Variants in PLCZ1 observed in about 807,000 individuals in gnomAD.
PLCZ1 encodes the protein 1-phosphatidylinositol 4,5-bisphosphate phosphodiesterase zeta-1.
Under a neutral mutation model 76.8 loss-of-function variants are expected in PLCZ1, and 64 were observed. That is an observed-to-expected ratio of 0.83 (90% CI 0.68 to 1.03). The LOEUF is 1.03. PLCZ1 is among the 50% of genes least tolerant of loss of function. The pLI is 0.00. For synonymous variants in PLCZ1, 248 were observed against 230.8 expected, an observed-to-expected ratio of 1.07 and a Z score of -0.68; for missense variants, 751 against 713.7, an observed-to-expected ratio of 1.05 and a Z score of -0.60.
At chr12:18,701,463 C>T (rs1955905030) in intron 9 of PLCZ1, 38 bp downstream of exon 9, 14 of 1,612,038 alleles carry the variant, frequency 8.7e-6, no homozygotes, top group Non-Finnish European at 1.0e-5. Context: ...AGAAAACTTT[C>T]CAATCACTTG....
downstream of PLCZ1, among the ~76,000 whole-genome samples, chr12:18,681,106 A>C (rs954376175): frequency 2.6e-5 from 4 of 152,090 alleles, no homozygotes; most frequent in Non-Finnish European, 5.9e-5. Flanking sequence ...GTCCGGGTTG[A>C]TGCTCTGTGA....
intron 11 of PLCZ1, among the ~76,000 whole-genome samples, chr12:18,695,851 G>A (rs1425774682): frequency 6.6e-6 from 1 of 152,056 alleles, no homozygotes; most frequent in Non-Finnish European, 1.5e-5. Context: ...AAAGGAATTT[G>A]ATCTTCAATG....
At chr12:18,716,422 T>G (rs1402636567) in intron 5 of PLCZ1, among the ~76,000 whole-genome samples, 3 of 152,242 alleles carry the variant, frequency 2.0e-5, no homozygotes, top group African/African-American at 7.2e-5. Flanking sequence ...TCAGTGATTA[T>G]GCAATGTCAT....
At chr12:18,684,107 C>A in intron 14 of PLCZ1, 23 bp downstream of exon 14, 1 of 1,608,936 alleles carries the variant, frequency 6.2e-7, no homozygotes, top group Non-Finnish European at 8.5e-7. Context: ...CTGGTACAAT[C>A]ATCTAACTTT....
chr12:18,661,202 T>C, the PLCZ1 span, among the ~76,000 whole-genome samples: 1 of 152,110 alleles, frequency 6.6e-6, no homozygotes, highest in Admixed American at 6.6e-5. Flanking sequence ...GTAAGAGTTC[T>C]GCAAGAAGAG....
chr12:18,698,896 C>T (rs1955494967), intron 10 of PLCZ1, among the ~76,000 whole-genome samples: 1 of 152,140 alleles, frequency 6.6e-6, no homozygotes, highest in African/African-American at 2.4e-5. Flanking sequence ...GTTTTGTATC[C>T]ATTATTGTCC....
the PLCZ1 span, among the ~76,000 whole-genome samples, chr12:18,660,224 C>A: frequency 1.4e-4 from 22 of 152,254 alleles, no homozygotes; most frequent in East Asian, 4.3e-3. Flanking sequence ...TCCCCATTCT[C>A]CTGCGTATTT....
At chr12:18,724,402 A>T (rs1958627838) in intron 3 of PLCZ1, among the ~76,000 whole-genome samples, 1 of 152,184 alleles carries the variant, frequency 6.6e-6, no homozygotes, top group Admixed American at 6.6e-5. Flanking sequence ...TATCACTAAC[A>T]AATAAAAAAA....
In PLCZ1 at chr12:18,712,135, G is replaced by T. The variant is rs568147279; in HGVS notation, c.714+707C>A. The stretch of plus-strand genomic sequence containing the variant: ...AAGAATTCTTTTAGTCATTTTGATT[G>T]TACTAAAATTGTACTATAATTGAAG... On this transcript the variant is annotated intron_variant, in intron 6 of 14. Coordinates refer to ENST00000266505, the MANE Select transcript of PLCZ1 (RefSeq NM_033123.4). 1.1e-3 allele frequency among the ~76,000 whole-genome samples: 167 copies of T among 152,168 alleles called. 1 individual carries two copies. Among genetic ancestry groups the T allele is most frequent in the African/African-American group, 4.0e-3 (165 of 41,542 alleles).
At chr12:18,659,773 G>A in the PLCZ1 span, among the ~76,000 whole-genome samples, 19 of 150,424 alleles carry the variant, frequency 1.3e-4, no homozygotes, top group African/African-American at 2.2e-4. Context: ...TGCTGCACCC[G>A]TTAACTCGTT....
chr12:18,695,137 A>G, intron 11 of PLCZ1, 58 bp from the exon 12 acceptor site: 1 of 1,500,602 alleles, frequency 6.7e-7, no homozygotes, highest in South Asian at 1.1e-5. Flanking sequence ...ATAAAGGAAC[A>G]CAAACCACTT....
intron 3 of PLCZ1, among the ~76,000 whole-genome samples, chr12:18,726,177 G>A (rs947419388): frequency 3.9e-5 from 6 of 152,006 alleles, no homozygotes; most frequent in African/African-American, 1.5e-4. Context: ...GACTTAAGGA[G>A]GATAGGAAAA....
At chr12:18,684,837 A>G (rs1952848829) in intron 13 of PLCZ1, among the ~76,000 whole-genome samples, 1 of 151,944 alleles carries the variant, frequency 6.6e-6, no homozygotes, top group African/African-American at 2.4e-5. Context: ...GTAGAAAGTG[A>G]CTGGATTATA....
intron 5 of PLCZ1, among the ~76,000 whole-genome samples, chr12:18,716,085 G>C (rs147264004): frequency 6.6e-6 from 1 of 152,268 alleles, no homozygotes; most frequent in African/African-American, 2.4e-5. Context: ...AGTTGGAGAA[G>C]AAACAATGTT....
chr12:18,701,452 T>C (rs369391293), intron 9 of PLCZ1, 49 bp downstream of exon 9: 1 of 1,610,662 alleles, frequency 6.2e-7, no homozygotes, highest in Non-Finnish European at 8.5e-7. Context: ...AGAATAAAAT[T>C]AGAAAACTTT....
chr12:18,737,328 G>A, intron 2 of PLCZ1, 33 bp downstream of exon 2: 6 of 1,603,068 alleles, frequency 3.7e-6, no homozygotes, highest in Non-Finnish European at 5.1e-6. Flanking sequence ...GGAGAAAGAA[G>A]AAGAGGAGCA....
the PLCZ1 span, among the ~76,000 whole-genome samples, chr12:18,652,545 G>T: frequency 4.9e-4 from 74 of 152,240 alleles, no homozygotes; most frequent in African/African-American, 1.6e-3. Flanking sequence ...GTGATGCTTT[G>T]TGACAGCGGT....
intron 6 of PLCZ1, among the ~76,000 whole-genome samples, chr12:18,706,453 G>T (rs1037831513): frequency 1.3e-5 from 2 of 152,104 alleles, no homozygotes; most frequent in Admixed American, 1.3e-4. Context: ...TCAGTTTTAA[G>T]TTCTGAAATC....
At chr12:18,694,775 C>A in intron 12 of PLCZ1, 135 bp downstream of exon 12, 1 of 675,224 alleles carries the variant, frequency 1.5e-6, no homozygotes, top group Admixed American at 3.2e-5. Flanking sequence ...GGAATACTAC[C>A]CACATATAGT....
Sources: gnomAD v4.1 joint callset for allele counts (sites outside exome capture counted in the v4.1 genomes callset) on GRCh38, gnomAD v4.1.1 for gene constraint, MANE v1.5 for transcripts, NCBI Gene and HGNC (gene_info 2026-07-23, HGNC 2026-07-21) for gene names.